The following EHD1 variants were observed in gnomAD, a reference collection of about 807,000 sequenced individuals.
EHD1 encodes EH domain containing 1.
Under a neutral mutation model 39.0 loss-of-function variants are expected in EHD1, and 19 were observed. That is an observed-to-expected ratio of 0.49 (90% CI 0.34 to 0.72). EHD1 has a LOEUF of 0.72. EHD1 is among the 30% of genes least tolerant of loss of function. The pLI is 0.01. For synonymous variants in EHD1, 323 were observed against 331.2 expected, an observed-to-expected ratio of 0.98 and a Z score of 0.27; for missense variants, 542 against 751.5, an observed-to-expected ratio of 0.72 and a Z score of 3.26.
In EHD1 at chr11:64,868,669, T is replaced by G. The variant is rs982509725; in HGVS notation, c.502+5752A>C. ...GGCTGCCTGGGACCAGGAGTGACTA[T>G]GAGGGGCACGGGAACTTTCAGGCGA... On this transcript the variant is annotated intron_variant, in intron 2 of 4. Coordinates refer to ENST00000320631, the MANE Select transcript of EHD1 (RefSeq NM_006795.4). The surrounding 1 kb of genome is among the most constrained non-coding windows in gnomAD (Gnocchi z 4.2). Among the ~76,000 whole-genome samples the G allele has an allele frequency of 2.6e-5, 4 of 152,170 alleles. No homozygotes were observed. Among genetic ancestry groups the G allele is most frequent in the African/African-American group, 9.7e-5 (4 of 41,434 alleles).
At chr11:64,860,431 GAT>G (rs1189148868) in intron 2 of EHD1, 95 bp from the exon 3 acceptor site, 1 of 1,460,690 alleles carries the variant, frequency 6.8e-7, no homozygotes, top group Non-Finnish European at 9.1e-7. Flanking sequence ...CTCAGCCTGA[GAT>G]AGTTTTTAAA....
Position 64,853,942 on chromosome 11 carries a change from C to T in EHD1, c.*391G>A. The T allele has an allele frequency of 4.2e-6, 1 of 237,124 alleles. No individual in the cohort carries two copies. The highest frequency in any genetic ancestry group is 6.6e-5 in the South Asian group (1 of 15,248). The allele number at this position is 237,124 out of a possible 1,614,324, so 14.7% of individuals were successfully genotyped here. A position where few individuals can be genotyped will look rare whatever the true frequency, so the allele number is the denominator to read the frequency against. On this transcript the variant is annotated 3_prime_UTR_variant, in exon 5 of 5. Transcript: ENST00000320631. ...AGGGTGCCTGGTGTTCCTGTCCATG[C>T]AGCCTCAGCCTAGCAGCTGCCAAAA...
chr11:64,867,961 G>A (rs1410138254), intron 2 of EHD1, among the ~76,000 whole-genome samples: 3 of 152,292 alleles, frequency 2.0e-5, no homozygotes, highest in East Asian at 1.9e-4. Context: ...GCTCTGGGGC[G>A]CCCCTCTCCA....
In EHD1 at chr11:64,860,163, T is replaced by C. The variant is rs1353963733; in HGVS notation, c.676A>G (p.Thr226Ala). Residue 226 changes from threonine (T) to alanine (A), a missense_variant, in exon 3 of 5, where the codon ACG becomes GCG. Thr to Ala is a moderately conservative substitution (Grantham distance 58, BLOSUM62 0). Coordinates refer to ENST00000320631, the MANE Select transcript of EHD1 (RefSeq NM_006795.4). Reference protein sequence around the residue: ...VVLNKADQIETQQLMRVYGAL... With the variant: ...VVLNKADQIEAQQLMRVYGAL... ...CCGTACACCCGCATCAGCTGCTGCG[T>C]CTCGATCTGGTCTGCCTTGTTCAGC... The C allele has an allele frequency of 8.1e-6, 13 of 1,614,140 alleles. No individual in the cohort carries two copies. The highest frequency in any genetic ancestry group is 1.1e-5 in the Non-Finnish European group (13 of 1,180,014).
intron 2 of EHD1, among the ~76,000 whole-genome samples, chr11:64,874,016 T>G (rs1943858406): frequency 6.7e-6 from 1 of 149,454 alleles, no homozygotes; most frequent in African/African-American, 2.5e-5. Flanking sequence ...GGAAGAAATC[T>G]CGAGGGCAGC....
intron 2 of EHD1, among the ~76,000 whole-genome samples, chr11:64,867,423 G>GAA: frequency 7.9e-6 from 1 of 127,286 alleles, no homozygotes; most frequent in South Asian, 2.5e-4. Context: ...TGTCTCAAAA[G>GAA]AAAAAAAAAA....
At chr11:64,858,573 T>A (rs1050242732) in intron 3 of EHD1, among the ~76,000 whole-genome samples, 14 of 152,286 alleles carry the variant, frequency 9.2e-5, no homozygotes, top group Non-Finnish European at 1.8e-4. Flanking sequence ...GTGGGCTTGG[T>A]CACTTCTCAG....
chr11:64,855,539 G>C, intron 3 of EHD1, 53 bp from the exon 4 acceptor site: 4 of 1,606,288 alleles, frequency 2.5e-6, no homozygotes, highest in Non-Finnish European at 3.4e-6. Context: ...CTGCCCCCGA[G>C]AGCAGAGCCT....
rs753284740 is a variant in EHD1 at position 64,855,409 on chromosome 11, C to G, written c.993G>C (p.Leu331=). 6.2e-7 allele frequency: 1 copy of G among 1,614,108 alleles called. No individual in the cohort carries two copies. The highest frequency in any genetic ancestry group is 8.5e-7 in the Non-Finnish European group (1 of 1,180,010). The change falls in exon 4 of 5, where the codon CTG becomes CTC. Residue 331 remains leucine (L), a synonymous_variant. Transcript: ENST00000320631. ...VFGKESKKKE[L]VNNLGEIYQK... ...GGTAGATCTCTCCGAGGTTGTTCAC[C>G]AGCTCTTTCTTTTTGCTCTCTTTAC...
chr11:64,861,441 T>A (rs1943715497), intron 2 of EHD1, among the ~76,000 whole-genome samples: 1 of 152,232 alleles, frequency 6.6e-6, no homozygotes, highest in Non-Finnish European at 1.5e-5. Flanking sequence ...TGTTGCCACC[T>A]GCCTGCTGTA....
intron 3 of EHD1, chr11:64,856,705 C>G (rs1943657453): frequency 1.3e-5 from 2 of 152,376 alleles, no homozygotes; most frequent in African/African-American, 2.4e-5. Flanking sequence ...CCATGTGGGT[C>G]TGGATCTAGA....
Position 64,854,162 on chromosome 11 carries a change from C to A in EHD1, c.*171G>T. The A allele has an allele frequency of 1.7e-6, 2 of 1,160,804 alleles. No individual in the cohort carries two copies. The highest frequency in any genetic ancestry group is 2.4e-6 in the Non-Finnish European group (2 of 849,580). The allele number at this position is 1,160,804 out of a possible 1,614,324, so 71.9% of individuals were successfully genotyped here. ...AATTCCATCCTCTCACCCCTGCCTC[C>A]CCCGCCAGGCCCAGGAACAGCCTTA... On this transcript the variant is annotated 3_prime_UTR_variant, in exon 5 of 5. Coordinates refer to ENST00000320631, the MANE Select transcript of EHD1 (RefSeq NM_006795.4).
At chr11:64,859,809 C>A in intron 3 of EHD1, 115 bp downstream of exon 3, 6 of 1,392,784 alleles carry the variant, frequency 4.3e-6, no homozygotes, top group Non-Finnish European at 4.8e-6. Flanking sequence ...CAGTGCAGGT[C>A]TGCCTGTGAA....
intron 3 of EHD1, among the ~76,000 whole-genome samples, chr11:64,859,420 T>A (rs548952438): frequency 5.3e-5 from 8 of 152,242 alleles, no homozygotes; most frequent in Non-Finnish European, 1.5e-5. Context: ...CTCGGGAGGC[T>A]GAGGTAGGAG....
chr11:64,864,449 C>T (rs1321768957), intron 2 of EHD1, among the ~76,000 whole-genome samples: 1 of 152,188 alleles, frequency 6.6e-6, no homozygotes, highest in African/African-American at 2.4e-5. Context: ...GAAGTCTCGG[C>T]AGAAAACCAG....
intron 2 of EHD1, among the ~76,000 whole-genome samples, chr11:64,862,461 G>A (rs528169032): frequency 3.9e-5 from 6 of 152,294 alleles, no homozygotes; most frequent in East Asian, 1.9e-4. Flanking sequence ...TCCTGAGGAC[G>A]GGGATGCTGA....
At chr11:64,861,019 C>CAAA (rs34278325) in intron 2 of EHD1, among the ~76,000 whole-genome samples, 8 of 112,390 alleles carry the variant, frequency 7.1e-5, no homozygotes, top group South Asian at 3.0e-4. Context: ...GACTCCATCT[C>CAAA]AAAAAAAAAA....
At position 64,878,543 on chromosome 11, in the gene EHD1, C is replaced by T. The variant is rs1002601500; in HGVS notation, c.-79G>A. ...GCGAGGGTGCGGAGCCGAGGCGGGG[C>T]CGGCCGGGGCAGGGAATCGGGAGCG... On this transcript the variant is annotated 5_prime_UTR_variant, in exon 1 of 5. Coordinates refer to ENST00000320631, the MANE Select transcript of EHD1 (RefSeq NM_006795.4). 21 of 1,479,630 alleles carry T rather than the reference C, an allele frequency of 1.4e-5. No homozygotes were observed. Among genetic ancestry groups the T allele is most frequent in the African/African-American group, 8.4e-5 (6 of 71,594 alleles). 91.7% of individuals were successfully genotyped at this position (1,479,630 alleles called of 1,614,324 possible). A position where few individuals can be genotyped will look rare whatever the true frequency, so the allele number is the denominator to read the frequency against.
At chr11:64,878,663 C>T, upstream of EHD1, 3 of 1,366,648 alleles carry the variant, frequency 2.2e-6, no homozygotes, top group Non-Finnish European at 9.4e-7. Flanking sequence ...GGGTCGGTCC[C>T]TCAGTGGCGG....
Sources: gnomAD v4.1 joint callset for allele counts (sites outside exome capture counted in the v4.1 genomes callset) on GRCh38, gnomAD v4.1.1 for gene constraint, Gnocchi (gnomAD v3.1) non-coding constraint, MANE v1.5 for transcripts, NCBI Gene and HGNC (gene_info 2026-07-23, HGNC 2026-07-21) for gene names.